Variants in ZNF704 observed in about 807,000 individuals in gnomAD.
ZNF704 encodes glucocorticoid induced gene 1.
Under a neutral mutation model 44.7 loss-of-function variants are expected in ZNF704, and 10 were observed. The ratio of observed to expected loss-of-function variants is 0.22; its 90% CI spans 0.14 to 0.38. The LOEUF is 0.38. Ranked by LOEUF, ZNF704 falls within the 10% of genes least tolerant of loss-of-function variation. The pLI is 1.00. For synonymous variants in ZNF704, 211 were observed against 207.6 expected, an observed-to-expected ratio of 1.02 and a Z score of -0.14; for missense variants, 390 against 545.5, an observed-to-expected ratio of 0.71 and a Z score of 2.84.
intron 4 of ZNF704, among the ~76,000 whole-genome samples, chr8:80,676,819 C>G (rs538823503): frequency 1.3e-5 from 2 of 152,320 alleles, no homozygotes; most frequent in South Asian, 2.1e-4. Flanking sequence ...AGCGCGCAAT[C>G]TGGTTCACAA....
chr8:80,748,591 A>T (rs1156869365), intron 2 of ZNF704, among the ~76,000 whole-genome samples: 1 of 152,160 alleles, frequency 6.6e-6, no homozygotes, highest in African/African-American at 2.4e-5. Context: ...TGTAAAATCC[A>T]TATTTTAGAC....
intron 8 of ZNF704, among the ~76,000 whole-genome samples, chr8:80,642,770 T>C (rs779729671): frequency 3.9e-5 from 6 of 152,102 alleles, no homozygotes; most frequent in Non-Finnish European, 7.4e-5. Flanking sequence ...TGGCTCCAAA[T>C]AGACCCAATA....
intron 6 of ZNF704, among the ~76,000 whole-genome samples, chr8:80,661,545 T>C (rs184425801): frequency 2.9e-4 from 44 of 152,202 alleles, no homozygotes; most frequent in Admixed American, 6.5e-4. Context: ...GGAATCAACC[T>C]AAGTGTCCAT....
chr8:80,843,981 A>ACACATATATG (rs1367374512), intron 1 of ZNF704, among the ~76,000 whole-genome samples: 1 of 149,268 alleles, frequency 6.7e-6, no homozygotes, highest in African/African-American at 2.4e-5. Flanking sequence ...GTATATATAT[A>ACACATATATG]TATATATATA....
At chr8:80,800,578 G>T (rs1227058461) in intron 2 of ZNF704, among the ~76,000 whole-genome samples, 2 of 152,104 alleles carry the variant, frequency 1.3e-5, no homozygotes, top group Non-Finnish European at 2.9e-5. Flanking sequence ...ATAAGCAAAG[G>T]AGAAATAAGA....
rs2131583116 is a variant in ZNF704 at position 80,636,030 on chromosome 8, T to A, written c.*5336A>T. ...AACCAAGGTCATTTCTCACAAAATG[T>A]CTGCGTTCTTTGTGATTACAAAACA... On this transcript the variant is annotated 3_prime_UTR_variant, in exon 9 of 9. Coordinates refer to ENST00000327835, the MANE Select transcript of ZNF704 (RefSeq NM_001033723.3). The A allele has an allele frequency of 6.6e-6, 1 of 152,316 alleles. No individual in the cohort carries two copies. The highest frequency in any genetic ancestry group is 2.1e-4 in the South Asian group (1 of 4,830). 9.4% of individuals were successfully genotyped at this position (152,316 alleles called of 1,614,324 possible). A position where few individuals can be genotyped will look rare whatever the true frequency, so the allele number is the denominator to read the frequency against.
Position 80,693,014 on chromosome 8 carries a change from C to T in ZNF704, c.315G>A (p.Val105=). 2 of 1,614,112 alleles carry T rather than the reference C, an allele frequency of 1.2e-6. No homozygotes were observed. The highest frequency in any genetic ancestry group is 1.7e-6 in the Non-Finnish European group (2 of 1,180,008). The part of the protein sequence containing the change: ...STSPLVRSPP[V]RPNESLSGSW... ...ATATCCTGGGCTTACCGTTCGGCCG[C>T]ACGGGAGGACTTCGAACCAAAGGGC... The change falls in exon 3 of 9, where the codon GTG becomes GTA. Residue 105 remains valine, a synonymous_variant. Transcript: ENST00000327835.
In ZNF704 at chr8:80,741,744, G is replaced by A. The variant is rs568474633; in HGVS notation, c.222-48637C>T. Among the ~76,000 whole-genome samples the A allele has an allele frequency of 1.3e-3, 197 of 152,262 alleles. 3 individuals carry two copies. Among genetic ancestry groups the A allele is most frequent in the Middle Eastern group, 6.8e-3 (2 of 294 alleles). On this transcript the variant is annotated intron_variant, in intron 2 of 8. Transcript: ENST00000327835. Reference sequence around the variant, plus strand: ...GTGATTGCTCAAACCTACGCCGCTCGAGGGGACCTTCTAGAGGTTCCCTTG... The same window carrying A: ...GTGATTGCTCAAACCTACGCCGCTCAAGGGGACCTTCTAGAGGTTCCCTTG...
intron 4 of ZNF704, among the ~76,000 whole-genome samples, chr8:80,671,382 G>GA (rs1461200661): frequency 1.3e-5 from 2 of 152,188 alleles, no homozygotes; most frequent in Admixed American, 1.3e-4. Flanking sequence ...CCATGATTGA[G>GA]AGCACTGATT....
At chr8:80,862,866 A>T (rs201563412) in intron 1 of ZNF704, among the ~76,000 whole-genome samples, 2 of 150,558 alleles carry the variant, frequency 1.3e-5, no homozygotes, top group Non-Finnish European at 3.0e-5. Flanking sequence ...TTGAACACCC[A>T]CCAGCCACTC....
intron 1 of ZNF704, among the ~76,000 whole-genome samples, chr8:80,822,104 AT>A (rs1438691668): frequency 6.6e-6 from 1 of 152,036 alleles, no homozygotes; most frequent in African/African-American, 2.4e-5. Context: ...AACAGTTAAG[AT>A]TTTTTTATTA....
At chr8:80,670,675 A>T in intron 4 of ZNF704, 72 bp from the exon 5 acceptor site, 1 of 1,133,392 alleles carries the variant, frequency 8.8e-7, no homozygotes, top group Non-Finnish European at 1.3e-6. Flanking sequence ...TCATCCCAAC[A>T]TATTTTTTTC....
At chr8:80,812,947 C>A (rs1230808689) in intron 2 of ZNF704, among the ~76,000 whole-genome samples, 1 of 152,104 alleles carries the variant, frequency 6.6e-6, no homozygotes, top group East Asian at 1.9e-4. Flanking sequence ...ATTTCTATTT[C>A]TTGATTATTT....
intron 2 of ZNF704, among the ~76,000 whole-genome samples, chr8:80,751,305 G>A (rs1806939165): frequency 6.6e-6 from 1 of 152,112 alleles, no homozygotes; most frequent in Admixed American, 6.5e-5. Flanking sequence ...CAATACAAGA[G>A]CCCTATAAGG....
intron 2 of ZNF704, among the ~76,000 whole-genome samples, chr8:80,808,999 A>G (rs972079379): frequency 1.1e-4 from 17 of 152,132 alleles, no homozygotes; most frequent in African/African-American, 4.1e-4. Flanking sequence ...ATTTGATAAA[A>G]CCTTGCATCC....
At chr8:80,729,060 T>A (rs772968315) in intron 2 of ZNF704, among the ~76,000 whole-genome samples, 10 of 152,094 alleles carry the variant, frequency 6.6e-5, no homozygotes, top group Non-Finnish European at 1.5e-4. Context: ...TTCCCTCCCC[T>A]CACTCCTCAA....
At chr8:80,669,459 G>A (rs1818246180) in intron 5 of ZNF704, among the ~76,000 whole-genome samples, 1 of 152,168 alleles carries the variant, frequency 6.6e-6, no homozygotes, top group African/African-American at 2.4e-5. Flanking sequence ...GGAAGGCTCT[G>A]GTGTGTCCCC....
chr8:80,747,298 A>AT (rs1474768928), intron 2 of ZNF704, among the ~76,000 whole-genome samples: 1 of 152,034 alleles, frequency 6.6e-6, no homozygotes, highest in Non-Finnish European at 1.5e-5. Flanking sequence ...CCCACCAAAC[A>AT]TTTAATAATT....
At chr8:80,665,171 A>ATGC in intron 5 of ZNF704, 89 bp from the exon 6 acceptor site, 1 of 1,433,450 alleles carries the variant, frequency 7.0e-7, no homozygotes, top group Non-Finnish European at 9.6e-7. Flanking sequence ...TCTGTCTGGA[A>ATGC]TGCTTTTCCT....
Sources: gnomAD v4.1 joint callset for allele counts (sites outside exome capture counted in the v4.1 genomes callset) on GRCh38, gnomAD v4.1.1 for gene constraint, MANE v1.5 for transcripts, NCBI Gene and HGNC (gene_info 2026-07-23, HGNC 2026-07-21) for gene names.